The following TRIM2 variants were observed in gnomAD, a reference collection of about 807,000 sequenced individuals.
TRIM2 encodes tripartite motif containing 2, also known as tripartite motif-containing protein 2.
In TRIM2, 20 loss-of-function variants were observed where a neutral mutation model predicts 75.2. The observed-to-expected ratio is 0.27, with a 90% CI of 0.19 to 0.39. The LOEUF is 0.39. Ranked by LOEUF, TRIM2 falls within the 10% of genes least tolerant of loss-of-function variation. The probability of loss-of-function intolerance (pLI) is 1.00; values close to 1 mark genes in which losing one functional copy is unlikely to be tolerated. For synonymous variants in TRIM2, 373 were observed against 388.3 expected, an observed-to-expected ratio of 0.96 and a Z score of 0.46; for missense variants, 660 against 990.8, an observed-to-expected ratio of 0.67 and a Z score of 4.48.
intron 10 of TRIM2, 104 bp from the exon 11 acceptor site, chr4:153,328,424 TAA>T (rs1465758130): frequency 1.4e-5 from 14 of 1,028,680 alleles, no homozygotes; most frequent in Admixed American, 3.0e-5. Context: ...TCTTAAATGA[TAA>T]GTCTTGTTAT....
chr4:153,184,545 G>A (rs1024523948), intron 1 of TRIM2, among the ~76,000 whole-genome samples: 5 of 152,158 alleles, frequency 3.3e-5, no homozygotes, highest in African/African-American at 1.2e-4. Flanking sequence ...AACAAGTAGG[G>A]TAAAGGGTAG....
At chr4:153,240,383 C>T (rs1269645251) in intron 1 of TRIM2, among the ~76,000 whole-genome samples, 1 of 152,178 alleles carries the variant, frequency 6.6e-6, no homozygotes, top group East Asian at 1.9e-4. Context: ...TTCAGACTCC[C>T]AGTTGGAAGG....
intron 1 of TRIM2, among the ~76,000 whole-genome samples, chr4:153,216,583 A>C (rs1738530862): frequency 6.6e-6 from 1 of 152,212 alleles, no homozygotes; most frequent in African/African-American, 2.4e-5. Flanking sequence ...TATCCCCAGA[A>C]GTTCTCAAGA....
chr4:153,322,867 A>T, intron 9 of TRIM2, 51 bp downstream of exon 9: 1 of 1,604,956 alleles, frequency 6.2e-7, no homozygotes, highest in Non-Finnish European at 8.5e-7. Flanking sequence ...TCTTCTGCTC[A>T]CATTTGCATG....
intron 4 of TRIM2, 104 bp downstream of exon 4, chr4:153,293,237 T>G: frequency 8.3e-7 from 1 of 1,203,996 alleles, no homozygotes; most frequent in Non-Finnish European, 1.1e-6. Flanking sequence ...TCCCTTGAGA[T>G]ATCAGGCTTT....
At chr4:153,194,071 A>G (rs998252740) in intron 1 of TRIM2, among the ~76,000 whole-genome samples, 2 of 152,180 alleles carry the variant, frequency 1.3e-5, no homozygotes. Flanking sequence ...TTCAGGAGCC[A>G]GCATCCAGCC....
At chr4:153,275,127 C>G (rs1045684987) in intron 2 of TRIM2, among the ~76,000 whole-genome samples, 1 of 152,216 alleles carries the variant, frequency 6.6e-6, no homozygotes. Context: ...GTATCTTGGA[C>G]AAGTACGCTG....
intron 1 of TRIM2, among the ~76,000 whole-genome samples, chr4:153,197,063 C>T (rs1733854239): frequency 6.6e-6 from 1 of 152,242 alleles, no homozygotes; most frequent in South Asian, 2.1e-4. Flanking sequence ...CAGAAGTCCA[C>T]ACTGTGTTGA....
intron 4 of TRIM2, 145 bp from the exon 5 acceptor site, chr4:153,294,160 C>A: frequency 1.2e-6 from 1 of 802,610 alleles, no homozygotes; most frequent in Non-Finnish European, 1.9e-6. Flanking sequence ...GTAATTATGT[C>A]ATATCTTATT....
intron 3 of TRIM2, 85 bp from the exon 4 acceptor site, chr4:153,292,897 G>A: frequency 7.8e-7 from 1 of 1,280,392 alleles, no homozygotes; most frequent in Non-Finnish European, 1.0e-6. Context: ...ATTTAATTAT[G>A]AGAGACTGCA....
At chr4:153,307,731 C>G in intron 6 of TRIM2, 1 of 614,922 alleles carries the variant, frequency 1.6e-6, no homozygotes, top group Admixed American at 2.0e-5. Flanking sequence ...ATGGGGAGCA[C>G]CATTTCTGGA....
In TRIM2 at chr4:153,336,766, A is replaced by T; in HGVS notation, c.*1800A>T. Reference sequence around the variant, plus strand: ...CTAGCTACTTCAAATTGTCTGTTAAATTTATTATGCCCAAATCAACCTCTG... The same window carrying T: ...CTAGCTACTTCAAATTGTCTGTTAATTTTATTATGCCCAAATCAACCTCTG... On this transcript the variant is annotated 3_prime_UTR_variant, in exon 12 of 12. Coordinates refer to ENST00000338700, the MANE Select transcript of TRIM2 (RefSeq NM_015271.5). 1.0e-6 allele frequency: 1 copy of T among 985,672 alleles called. No individual in the cohort carries two copies. The highest frequency in any genetic ancestry group is 1.2e-6 in the Non-Finnish European group (1 of 829,760). The allele number at this position is 985,672 out of a possible 1,614,324, so 61.1% of individuals were successfully genotyped here.
intron 1 of TRIM2, among the ~76,000 whole-genome samples, chr4:153,244,349 T>TTCTTCTTCTTCTTCC (rs1560874169): frequency 6.6e-5 from 2 of 30,474 alleles, no homozygotes; most frequent in Admixed American, 4.7e-4. Context: ...CTTCTTCTTC[T>TTCTTCTTCTTCTTCC]TCTTCCTCTT....
rs1330719305 is a variant in TRIM2, at chr4:153,275,912, C to A, written c.235C>A (p.Pro79Thr). 1 of 1,614,056 alleles carries A rather than the reference C, an allele frequency of 6.2e-7. No individual in the cohort carries two copies. Among genetic ancestry groups the A allele is most frequent in the Non-Finnish European group, 8.5e-7 (1 of 1,180,032 alleles). ...FCERCLQNYIPAHSLTLSCPV... is the reference protein window; with the variant it reads ...FCERCLQNYITAHSLTLSCPV... ...CAACAGGTGCCTGCAGAACTACATTCCTGCCCACAGTTTAACCCTCTCCTG... is the reference window on the plus strand; with the variant it reads ...CAACAGGTGCCTGCAGAACTACATTACTGCCCACAGTTTAACCCTCTCCTG... Residue 79 changes from proline (P) to threonine (T), a missense_variant, in exon 3 of 12, where the codon CCT becomes ACT. Physicochemically the swap from Pro to Thr is conservative, Grantham distance 38. Transcript: ENST00000338700.
At chr4:153,225,122 A>C (rs1316323598) in intron 1 of TRIM2, among the ~76,000 whole-genome samples, 1 of 152,232 alleles carries the variant, frequency 6.6e-6, no homozygotes, top group East Asian at 1.9e-4. Flanking sequence ...GGAAGCTTTG[A>C]AAATGACATC....
intron 1 of TRIM2, among the ~76,000 whole-genome samples, chr4:153,235,410 A>G (rs1744769076): frequency 1.3e-5 from 2 of 151,874 alleles, no homozygotes; most frequent in Admixed American, 1.3e-4. Context: ...TCAGCCTCCC[A>G]AGTAGCTGGG....
Position 153,335,351 on chromosome 4 carries a change from AAC to A in TRIM2, c.*387_*388del. ...ACAGAACTTCCAAAAGCAAAACAAA[AAC>A]AAAATCTATTGTAGTTATATACTTC... is the stretch of plus-strand genomic sequence containing the variant. On this transcript the variant is annotated 3_prime_UTR_variant, in exon 12 of 12. Transcript: ENST00000338700. 1 of 991,474 alleles carries A rather than the reference AAC, an allele frequency of 1.0e-6. No individual in the cohort carries two copies. The highest frequency in any genetic ancestry group is 1.2e-6 in the Non-Finnish European group (1 of 834,102). The allele number at this position is 991,474 out of a possible 1,614,324, so 61.4% of individuals were successfully genotyped here.
chr4:153,178,894 A>G (rs1731750779), intron 1 of TRIM2, among the ~76,000 whole-genome samples: 1 of 152,220 alleles, frequency 6.6e-6, no homozygotes, highest in South Asian at 2.1e-4. Flanking sequence ...AGTAAAAGGA[A>G]TCTGCCAGAA....
At chr4:153,275,565 G>A (rs893355626) in intron 2 of TRIM2, among the ~76,000 whole-genome samples, 2 of 152,190 alleles carry the variant, frequency 1.3e-5, no homozygotes, top group African/African-American at 2.4e-5. Flanking sequence ...GCAGGTGTTC[G>A]ATAGGGTCTA....
Sources: gnomAD v4.1 joint callset for allele counts (sites outside exome capture counted in the v4.1 genomes callset) on GRCh38, gnomAD v4.1.1 for gene constraint, MANE v1.5 for transcripts, NCBI Gene and HGNC (gene_info 2026-07-23, HGNC 2026-07-21) for gene names.